MALAT1: variants seen among roughly 807,000 people sequenced by gnomAD.
MALAT1 encodes hepcarcin.
At chr11:65,500,414 G>T (rs777643702) in exon 3 of MALAT1, 6 of 518,954 alleles carry the variant, frequency 1.2e-5, no homozygotes, top group Non-Finnish European at 2.3e-5. Context: ...ACACAGAAGT[G>T]GATTCAGTGA....
At position 65,499,860 on chromosome 11, in the gene MALAT1, C is replaced by A. The variant is rs187923588; in HGVS notation, n.1123C>A. 1.6e-4 allele frequency: 68 copies of A among 422,340 alleles called. 3 individuals are homozygous for A. The highest frequency in any genetic ancestry group is 1.0e-3 in the African/African-American group (49 of 47,394). 26.2% of individuals were successfully genotyped at this position (422,340 alleles called of 1,614,324 possible). A position where few individuals can be genotyped will look rare whatever the true frequency, so the allele number is the denominator to read the frequency against. ...TTAGAAGAAAATTGGAAGATAGAAA[C>A]AAGATAGAAAATGAAAATATTGTCA... is the stretch of plus-strand genomic sequence containing the variant. On this transcript the variant is annotated non_coding_transcript_exon_variant, in exon 3 of 4. Coordinates refer to ENST00000619449, the Ensembl canonical transcript of MALAT1.
At chr11:65,501,789 A>C in exon 3 of MALAT1, 1 of 518,868 alleles carries the variant, frequency 1.9e-6, no homozygotes, top group South Asian at 1.4e-5. Flanking sequence ...GAGTAGGCCA[A>C]ATGTTGAAGT....
At chr11:65,502,144 C>T (rs1262625673) in exon 3 of MALAT1, 2 of 516,552 alleles carry the variant, frequency 3.9e-6, no homozygotes, top group Non-Finnish European at 7.7e-6. Context: ...TATCTGTTTT[C>T]CTTCAAAGTA....
exon 3 of MALAT1, chr11:65,499,746 GAA>G (rs781235953): frequency 1.4e-5 from 6 of 429,724 alleles, no homozygotes; most frequent in South Asian, 8.7e-5. Context: ...ACTTTTAGAA[GAA>G]AAAAGATAAA....
At chr11:65,499,404 GC>G (rs1565674799) in exon 3 of MALAT1, 1 of 485,424 alleles carries the variant, frequency 2.1e-6, no homozygotes, top group Non-Finnish European at 4.1e-6. Flanking sequence ...GAAGGGCAAT[GC>G]TTTTAGATTA....
exon 3 of MALAT1, chr11:65,500,322 AAT>A: frequency 1.9e-6 from 1 of 518,656 alleles, no homozygotes; most frequent in Non-Finnish European, 3.9e-6. Context: ...TTACCAACTT[AAT>A]GTTTTTGCAT....
At chr11:65,499,107 GC>G (rs1449422962) in exon 3 of MALAT1, 1 of 518,164 alleles carries the variant, frequency 1.9e-6, no homozygotes, top group South Asian at 1.4e-5. Flanking sequence ...TGAGGAAACC[GC>G]AGATAAGTTT....
exon 3 of MALAT1, chr11:65,500,247 A>G: frequency 1.9e-6 from 1 of 518,378 alleles, no homozygotes; most frequent in Non-Finnish European, 3.9e-6. Context: ...GGCCTTAAAT[A>G]TAGTAGCTTA....
chr11:65,504,504 G>GTGA (rs748457928), intron 3 of MALAT1: 2 of 518,814 alleles, frequency 3.9e-6, no homozygotes, highest in African/African-American at 3.8e-5. Context: ...ATCCAGCTGA[G>GTGA]TGATAAAGGC....
At chr11:65,497,985 A>C (rs1198133346) in intron 1 of MALAT1, 1 of 518,800 alleles carries the variant, frequency 1.9e-6, no homozygotes, top group Admixed American at 1.9e-5. Context: ...GGTGGTATTT[A>C]GATAAAACCA....
At chr11:65,505,613 GCAGCCA>G (rs1327235170) in intron 3 of MALAT1, 1 of 518,888 alleles carries the variant, frequency 1.9e-6, no homozygotes, top group African/African-American at 1.9e-5. Flanking sequence ...TCACCTCGAT[GCAGCCA>G]GTAGCTTGGA....
At chr11:65,503,628 G>A in exon 3 of MALAT1, 2 of 511,398 alleles carry the variant, frequency 3.9e-6, no homozygotes, top group Non-Finnish European at 7.8e-6. Context: ...ATTAGAGAAT[G>A]TATACTTTTA....
At chr11:65,506,013 A>G (rs947782284) in intron 3 of MALAT1, 1 of 464,532 alleles carries the variant, frequency 2.2e-6, no homozygotes, top group East Asian at 5.8e-5. Flanking sequence ...AATGCTCTTC[A>G]GTAGGGTCAT....
At chr11:65,499,599 A>G (rs763158103) in exon 3 of MALAT1, 1 of 452,192 alleles carries the variant, frequency 2.2e-6, no homozygotes, top group South Asian at 1.6e-5. Context: ...GCAGACGAAA[A>G]TGGAAAGATT....
exon 3 of MALAT1, chr11:65,500,875 T>G (rs767861075): frequency 5.8e-6 from 3 of 518,090 alleles, no homozygotes; most frequent in South Asian, 2.8e-5. Context: ...GTAAAGGGAT[T>G]TATATGGGGA....
At chr11:65,504,542 T>G (rs534951940) in intron 3 of MALAT1, 2 of 518,996 alleles carry the variant, frequency 3.9e-6, no homozygotes, top group Non-Finnish European at 3.8e-6. Flanking sequence ...TCTGCAGTTT[T>G]AAGCAGTCGT....
chr11:65,501,201 T>G (rs773456541), exon 3 of MALAT1: 4 of 476,650 alleles, frequency 8.4e-6, no homozygotes, highest in Non-Finnish European at 1.6e-5. Flanking sequence ...GATGTGTAAC[T>G]GAGGCGGGGG....
At chr11:65,500,587 C>A (rs1372741554) in exon 3 of MALAT1, 2 of 518,836 alleles carry the variant, frequency 3.9e-6, no homozygotes, top group Admixed American at 1.9e-5. Flanking sequence ...GGAGCGCTAA[C>A]GATTTGGTGG....
chr11:65,505,259 C>G (rs777962673), intron 3 of MALAT1: 1 of 518,432 alleles, frequency 1.9e-6, no homozygotes, highest in Admixed American at 1.9e-5. Flanking sequence ...GGAGAGACAA[C>G]AAAGCGCTAT....
Sources: allele counts gnomAD v4.1 joint callset, GRCh38; gene constraint gnomAD v4.1.1; transcripts MANE v1.5; gene names NCBI Gene and HGNC (gene_info 2026-07-23, HGNC 2026-07-21).